Variants in RBFOX1 observed in about 807,000 individuals in gnomAD.
The protein encoded by RBFOX1 is RNA binding fox-1 homolog 1.
Under a neutral mutation model 57.7 loss-of-function variants are expected in RBFOX1, and 8 were observed. The ratio of observed to expected loss-of-function variants is 0.14; its 90% CI spans 0.08 to 0.25. The LOEUF (loss-of-function observed/expected upper bound fraction) is 0.25, where lower values mean the gene tolerates loss of function less well. Among genes scored for constraint, RBFOX1 ranks in the 10% least tolerant of loss-of-function variants. RBFOX1 has a pLI of 1.00. For missense variants in RBFOX1, 611 were observed against 548.5 expected (o/e 1.11, Z -1.14); for synonymous variants, 326 against 222.4 (o/e 1.47, Z -4.15).
intron 1 of RBFOX1, among the ~76,000 whole-genome samples, chr16:6,177,707 C>T (rs1370417759): frequency 6.6e-6 from 1 of 152,082 alleles, no homozygotes; most frequent in Non-Finnish European, 1.5e-5. Context: ...GGATTTTACT[C>T]ACTGATATTT....
Position 6,474,317 on chromosome 16 carries a change from A to T in RBFOX1, c.-64+157260A>T, listed in dbSNP as rs536351813. ...TGACATCTGTTTTCAGGACCCTTTAATCATATCCCGTGGTCCAAAGCTATA... is the reference window on the plus strand; with the variant it reads ...TGACATCTGTTTTCAGGACCCTTTATTCATATCCCGTGGTCCAAAGCTATA... On this transcript the variant is annotated intron_variant, in intron 2 of 15. Coordinates refer to ENST00000550418, the MANE Select transcript of RBFOX1 (RefSeq NM_018723.4). 9.2e-4 allele frequency among the ~76,000 whole-genome samples: 140 copies of T among 152,280 alleles called. 1 individual carries two copies. Among genetic ancestry groups the T allele is most frequent in the African/African-American group, 3.2e-3 (132 of 41,560 alleles).
chr16:6,308,197 G>C (rs1298092525), intron 1 of RBFOX1, among the ~76,000 whole-genome samples: 1 of 151,870 alleles, frequency 6.6e-6, no homozygotes, highest in East Asian at 1.9e-4. Flanking sequence ...AATTTACATT[G>C]TGTATTTATC....
At chr16:6,423,058 G>A (rs948466867) in intron 2 of RBFOX1, among the ~76,000 whole-genome samples, 8 of 152,140 alleles carry the variant, frequency 5.3e-5, no homozygotes, top group South Asian at 2.1e-4. Flanking sequence ...CCAGGCCACC[G>A]CTGATGGGCA....
At chr16:5,932,438 C>T (rs979650481) in intron 4 of RBFOX1, among the ~76,000 whole-genome samples, 35 of 152,252 alleles carry the variant, frequency 2.3e-4, no homozygotes, top group African/African-American at 7.9e-4. Flanking sequence ...GATGAAAATT[C>T]AGCAAGGTCG....
At chr16:6,850,616 C>T (rs1259652065) in intron 3 of RBFOX1, among the ~76,000 whole-genome samples, 1 of 152,196 alleles carries the variant, frequency 6.6e-6, no homozygotes, top group Non-Finnish European at 1.5e-5. Context: ...ATGCCTTCCA[C>T]AGATGACTCC....
intron 4 of RBFOX1, among the ~76,000 whole-genome samples, chr16:7,468,030 C>T (rs2060842683): frequency 6.6e-6 from 1 of 152,234 alleles, no homozygotes; most frequent in South Asian, 2.1e-4. Context: ...CTAATTCCGA[C>T]TTGTTAGCCG....
intron 1 of RBFOX1, among the ~76,000 whole-genome samples, chr16:6,035,169 C>T (rs762202766): frequency 2.6e-5 from 4 of 152,188 alleles, no homozygotes; most frequent in Non-Finnish European, 5.9e-5. Context: ...TTTTGCCAAA[C>T]GTCCCTGGGG....
At chr16:6,843,847 C>T (rs1251950468) in intron 3 of RBFOX1, among the ~76,000 whole-genome samples, 1 of 152,150 alleles carries the variant, frequency 6.6e-6, no homozygotes, top group Non-Finnish European at 1.5e-5. Flanking sequence ...TTCTCCTGAA[C>T]TGACTGTTCC....
intron 4 of RBFOX1, among the ~76,000 whole-genome samples, chr16:7,446,432 G>A (rs2098808079): frequency 6.6e-6 from 1 of 152,190 alleles, no homozygotes; most frequent in South Asian, 2.1e-4. Flanking sequence ...ATTATTTTCA[G>A]CAAGTTCTCC....
intron 3 of RBFOX1, among the ~76,000 whole-genome samples, chr16:5,619,224 A>G (rs2048133746): frequency 6.6e-6 from 1 of 152,072 alleles, no homozygotes. Context: ...TCTTCCCACT[A>G]AGGAGTGTGT....
chr16:7,150,813 T>G (rs1314213760), intron 4 of RBFOX1, among the ~76,000 whole-genome samples: 1 of 152,226 alleles, frequency 6.6e-6, no homozygotes, highest in East Asian at 1.9e-4. Flanking sequence ...AATCTATTGA[T>G]GCTTGTTAAT....
intron 4 of RBFOX1, among the ~76,000 whole-genome samples, chr16:5,885,442 A>T (rs1282198819): frequency 1.3e-5 from 2 of 152,182 alleles, no homozygotes; most frequent in Non-Finnish European, 2.9e-5. Context: ...TAAGAAAAGC[A>T]TCACAAAACA....
chr16:7,059,944 G>A lies in RBFOX1; in HGVS notation c.27+7846G>A, dbSNP rs554602490. ...CTTTGGAAACATTGTATGAAAACAC[G>A]ATTCAAAAATTATTTTGCTTAGCTG... On this transcript the variant is annotated intron_variant, in intron 4 of 15. Coordinates refer to ENST00000550418, the MANE Select transcript of RBFOX1 (RefSeq NM_018723.4). Among the ~76,000 whole-genome samples, 7 of 152,096 alleles carry A rather than the reference G, an allele frequency of 4.6e-5. No homozygotes were observed. The South Asian group carries it at 1.4e-3, about 32-fold the overall frequency.
At chr16:5,595,879 G>T (rs778349373) in intron 2 of RBFOX1, among the ~76,000 whole-genome samples, 2 of 152,202 alleles carry the variant, frequency 1.3e-5, no homozygotes, top group African/African-American at 4.8e-5. Flanking sequence ...TAGGGTTAGG[G>T]TGCATGTCTA....
intron 3 of RBFOX1, among the ~76,000 whole-genome samples, chr16:6,848,621 G>T (rs1020828497): frequency 6.6e-6 from 1 of 152,060 alleles, no homozygotes; most frequent in Non-Finnish European, 1.5e-5. Context: ...GTGTATGTGT[G>T]TAGAGAGAGA....
intron 3 of RBFOX1, among the ~76,000 whole-genome samples, chr16:5,831,240 T>C (rs1285618586): frequency 2.0e-5 from 3 of 152,102 alleles, no homozygotes; most frequent in Non-Finnish European, 4.4e-5. Flanking sequence ...CATGATTGGC[T>C]TAACACTGTG....
chr16:5,980,878 G>T (rs2060158587), intron 4 of RBFOX1, among the ~76,000 whole-genome samples: 1 of 152,160 alleles, frequency 6.6e-6, no homozygotes, highest in South Asian at 2.1e-4. Context: ...ATTTCACATG[G>T]TTTTGTTTAC....
intron 3 of RBFOX1, among the ~76,000 whole-genome samples, chr16:5,856,206 T>TACATATATATATATATATATAC (rs2057039220): frequency 2.5e-5 from 1 of 40,510 alleles, no homozygotes; most frequent in Non-Finnish European, 5.2e-5. Context: ...TATATATATA[T>TACATATATATATATATATATAC]ACATATATAT....
chr16:5,442,742 C>T (rs147444305), intron 1 of RBFOX1, among the ~76,000 whole-genome samples: 2 of 152,294 alleles, frequency 1.3e-5, no homozygotes, highest in Admixed American at 6.5e-5. Context: ...TTTAATCTGT[C>T]TCACCGTCCT....
Sources: gnomAD v4.1 joint callset for allele counts (sites outside exome capture counted in the v4.1 genomes callset) on GRCh38, gnomAD v4.1.1 for gene constraint, MANE v1.5 for transcripts, NCBI Gene and HGNC (gene_info 2026-07-23, HGNC 2026-07-21) for gene names.